The following PRELP variants were observed in gnomAD, a reference collection of about 807,000 sequenced individuals.
The protein encoded by PRELP is proline and arginine rich end leucine rich repeat protein, also known as prolargin.
A neutral mutation model predicts 22.8 loss-of-function variants in PRELP; 16 were observed. The observed-to-expected ratio is 0.70, with a 90% CI of 0.47 to 1.06. The LOEUF (loss-of-function observed/expected upper bound fraction) is 1.06, where lower values mean the gene tolerates loss of function less well. Ranked by LOEUF, PRELP falls within the 50% of genes least tolerant of loss-of-function variation. PRELP has a pLI of 0.00. For missense variants in PRELP, 434 were observed against 485.2 expected (o/e 0.89, Z 0.99); for synonymous variants, 233 against 211.4 (o/e 1.10, Z -0.89).
chr1:203,485,165 T>TAA (rs1318747906), intron 2 of PRELP, among the ~76,000 whole-genome samples: 2 of 139,814 alleles, frequency 1.4e-5, no homozygotes, highest in Admixed American at 7.6e-5. Flanking sequence ...TTTTTAATCT[T>TAA]ACAAAAAAAA....
Position 203,490,699 on chromosome 1 carries a change from T to G in PRELP, c.*3818T>G, listed in dbSNP as rs1661177314. On this transcript the variant is annotated 3_prime_UTR_variant, in exon 3 of 3. Coordinates refer to ENST00000343110, the MANE Select transcript of PRELP (RefSeq NM_002725.4). Reference sequence around the variant, plus strand: ...CTCTCTCTTCTGAGGGAAGGTTGGTTGCAAAAGTGGGATTCATGACCCTCC... The same window carrying G: ...CTCTCTCTTCTGAGGGAAGGTTGGTGGCAAAAGTGGGATTCATGACCCTCC... 6.6e-6 allele frequency: 1 copy of G among 152,208 alleles called. No individual in the cohort carries two copies. Among genetic ancestry groups the G allele is most frequent in the Non-Finnish European group, 1.5e-5 (1 of 68,050 alleles). 9.4% of individuals were successfully genotyped at this position (152,208 alleles called of 1,614,324 possible).
rs1350949969 is a variant in PRELP at position 203,488,447 on chromosome 1, G to A, written c.*1566G>A. On this transcript the variant is annotated 3_prime_UTR_variant, in exon 3 of 3. Coordinates refer to ENST00000343110, the MANE Select transcript of PRELP (RefSeq NM_002725.4). ...AGGCGGGAGAATCGCTTGAGCCGGGGAGGCGGAGGTTGCAGTGAGGCGAGA... is the reference window on the plus strand; with the variant it reads ...AGGCGGGAGAATCGCTTGAGCCGGGAAGGCGGAGGTTGCAGTGAGGCGAGA... 1.3e-5 allele frequency: 2 copies of A among 152,270 alleles called. No homozygotes were observed. Among genetic ancestry groups the A allele is most frequent in the Non-Finnish European group, 2.9e-5 (2 of 68,076 alleles). The allele number at this position is 152,270 out of a possible 1,614,324, so 9.4% of individuals were successfully genotyped here.
At chr1:203,481,643 T>A (rs1661001821) in intron 1 of PRELP, among the ~76,000 whole-genome samples, 1 of 152,206 alleles carries the variant, frequency 6.6e-6, no homozygotes, top group Admixed American at 6.5e-5. Flanking sequence ...AGTCTCTGCC[T>A]TCCTTCCCTT....
intron 2 of PRELP, 90 bp from the exon 3 acceptor site, chr1:203,486,616 C>T: frequency 1.5e-6 from 2 of 1,299,526 alleles, no homozygotes; most frequent in South Asian, 2.7e-5. Context: ...AGTCTACAGT[C>T]CTTGCTCTCG....
rs571965575 is a variant in PRELP, at chr1:203,489,116, G to C, written c.*2235G>C. 1 of 152,736 alleles carries C rather than the reference G, an allele frequency of 6.5e-6. No individual in the cohort carries two copies. The highest frequency in any genetic ancestry group is 2.1e-4 in the South Asian group (1 of 4,828). 9.5% of individuals were successfully genotyped at this position (152,736 alleles called of 1,614,324 possible). A position where few individuals can be genotyped will look rare whatever the true frequency, so the allele number is the denominator to read the frequency against. On this transcript the variant is annotated 3_prime_UTR_variant, in exon 3 of 3. Coordinates refer to ENST00000343110, the MANE Select transcript of PRELP (RefSeq NM_002725.4). ...CAAGGCTCCTGCTTAAAGTCCACAC[G>C]TTATTATGGCCGAAAGCAACCTGGT...
chr1:203,486,747 T>C lies in PRELP; in HGVS notation c.1015T>C (p.Phe339Leu), dbSNP rs756563552. 3 of 1,614,100 alleles carry C rather than the reference T, an allele frequency of 1.9e-6. No individual in the cohort carries two copies. The South Asian group carries it at 3.3e-5, about 18-fold the overall frequency. ...GATTTGCCCCAACGACCTAGTGGCG[T>C]TCCATGACTTCTCCTCGGACCTGGA... ...TQICPNDLVA[F>L]HDFSSDLENV... Residue 339 changes from phenylalanine (F) to leucine (L), a missense_variant, in exon 3 of 3, where the codon TTC becomes CTC. Transcript: ENST00000343110.
rs767750327 is a variant in PRELP at position 203,483,405 on chromosome 1, C to T, written c.221C>T (p.Pro74Leu). 2 of 1,614,136 alleles carry T rather than the reference C, an allele frequency of 1.2e-6. No homozygotes were observed. Among genetic ancestry groups the T allele is most frequent in the East Asian group, 2.2e-5 (1 of 44,856 alleles). ...PGPPSIFPDC[P>L]RECYCPPDFP... ...CCTCCATCTATCTTCCCTGACTGTC[C>T]CCGCGAATGCTACTGCCCCCCTGAT... is the stretch of plus-strand genomic sequence containing the variant. The change falls in exon 2 of 3, where the codon CCC becomes CTC. Residue 74 changes from proline (P) to leucine (L), a missense_variant. By Grantham distance (98) the Pro-to-Leu change is moderately conservative. Coordinates refer to ENST00000343110, the MANE Select transcript of PRELP (RefSeq NM_002725.4). The surrounding 1 kb of genome is among the most constrained non-coding windows in gnomAD (Gnocchi z 4.4).
intron 1 of PRELP, among the ~76,000 whole-genome samples, chr1:203,477,175 G>A (rs1184918938): frequency 1.3e-5 from 2 of 152,150 alleles, no homozygotes; most frequent in African/African-American, 2.4e-5. Context: ...GGCTCTCACT[G>A]CAGATCTACT....
At position 203,489,115 on chromosome 1, in the gene PRELP, C is replaced by A. The variant is rs1037312433; in HGVS notation, c.*2234C>A. ...TCAAGGCTCCTGCTTAAAGTCCACA[C>A]GTTATTATGGCCGAAAGCAACCTGG... On this transcript the variant is annotated 3_prime_UTR_variant, in exon 3 of 3. Transcript: ENST00000343110. 2 of 152,644 alleles carry A rather than the reference C, an allele frequency of 1.3e-5. No individual in the cohort carries two copies. The highest frequency in any genetic ancestry group is 4.8e-5 in the African/African-American group (2 of 41,442). The allele number at this position is 152,644 out of a possible 1,614,324, so 9.5% of individuals were successfully genotyped here.
intron 1 of PRELP, among the ~76,000 whole-genome samples, chr1:203,482,566 C>T (rs1248034874): frequency 6.9e-6 from 1 of 145,128 alleles, no homozygotes; most frequent in Non-Finnish European, 1.5e-5. Context: ...GCTTGTATGC[C>T]ACTGTCCCAC....
intron 1 of PRELP, among the ~76,000 whole-genome samples, chr1:203,482,591 C>CTATTTTTT (rs1661021682): frequency 2.0e-5 from 1 of 51,078 alleles, no homozygotes; most frequent in Non-Finnish European, 3.3e-5. Context: ...CCCAATGTGC[C>CTATTTTTT]TTTTTTTTTT....
chr1:203,483,809 G>A lies in PRELP; in HGVS notation c.625G>A (p.Asp209Asn), dbSNP rs760198476. The A allele has an allele frequency of 7.4e-6, 12 of 1,614,034 alleles. No homozygotes were observed. The highest frequency in any genetic ancestry group is 2.7e-5 in the African/African-American group (2 of 74,920). Residue 209 changes from aspartate to asparagine, a missense_variant, in exon 2 of 3, where the codon GAC (aspartate) becomes AAC (asparagine). By Grantham distance (23) the Asp-to-Asn change is conservative. Transcript: ENST00000343110. This position sits in a 1 kb window ranked among gnomAD's most constrained non-coding sequence, Gnocchi z 4.4. ...LLDLQHNRLS[D>N]GVFKPDTFHG... ...GGATCTCCAGCACAACAGGCTGAGC[G>A]ACGGCGTCTTCAAGCCCGACACCTT...
At position 203,486,850 on chromosome 1, in the gene PRELP, G is replaced by C; in HGVS notation, c.1118G>C (p.Cys373Ser). The C allele has an allele frequency of 6.2e-7, 1 of 1,614,124 alleles. No homozygotes were observed. Among genetic ancestry groups the C allele is most frequent in the East Asian group, 2.2e-5 (1 of 44,880 alleles). ...CCCATCCCGCTGGACCTCATGATGT[G>C]CTTCCGCCTCCTGCAGTCCGTGGTC... Reference protein sequence around the residue: ...KPPIPLDLMMCFRLLQSVVI With the variant: ...KPPIPLDLMMSFRLLQSVVI Residue 373 changes from cysteine to serine, a missense_variant, in exon 3 of 3, where the codon TGC (cysteine) becomes TCC (serine). Physicochemically the swap from Cys to Ser is moderately radical, Grantham distance 112. Transcript: ENST00000343110.
chr1:203,486,015 A>G (rs985104429), intron 2 of PRELP, among the ~76,000 whole-genome samples: 2 of 152,182 alleles, frequency 1.3e-5, no homozygotes, highest in African/African-American at 4.8e-5. Context: ...CATCCAATTC[A>G]AAGGAAAACC....
At position 203,487,824 on chromosome 1, in the gene PRELP, G is replaced by A. The variant is rs1265489672; in HGVS notation, c.*943G>A. The A allele has an allele frequency of 1.3e-5, 2 of 152,306 alleles. No individual in the cohort carries two copies. The highest frequency in any genetic ancestry group is 3.9e-4 in the East Asian group (2 of 5,176). 9.4% of individuals were successfully genotyped at this position (152,306 alleles called of 1,614,324 possible). On this transcript the variant is annotated 3_prime_UTR_variant, in exon 3 of 3. Coordinates refer to ENST00000343110, the MANE Select transcript of PRELP (RefSeq NM_002725.4). ...GCGCGGCCCAGCCATTTCCACCCTC[G>A]GGAGGCGGCTCCTGAGAAACAGGGA...
At chr1:203,486,614 G>A (rs1417192239) in intron 2 of PRELP, 92 bp from the exon 3 acceptor site, 1 of 1,286,726 alleles carries the variant, frequency 7.8e-7, no homozygotes, top group African/African-American at 1.5e-5. Context: ...GAAGTCTACA[G>A]TCCTTGCTCT....
In PRELP at chr1:203,487,321, G is replaced by A. The variant is rs1661110593; in HGVS notation, c.*440G>A. The A allele has an allele frequency of 6.5e-6, 1 of 154,048 alleles. No homozygotes were observed. The highest frequency in any genetic ancestry group is 1.4e-5 in the Non-Finnish European group (1 of 69,040). The allele number at this position is 154,048 out of a possible 1,614,324, so 9.5% of individuals were successfully genotyped here. A position where few individuals can be genotyped will look rare whatever the true frequency, so the allele number is the denominator to read the frequency against. On this transcript the variant is annotated 3_prime_UTR_variant, in exon 3 of 3. Transcript: ENST00000343110. ...CCATCTTCGGCAGCTCTGGCTCAAA[G>A]AGGCCGAGAAACCCAGTTCTCCTGG...
intron 1 of PRELP, among the ~76,000 whole-genome samples, chr1:203,480,271 T>C (rs1660977723): frequency 6.6e-6 from 1 of 152,150 alleles, no homozygotes; most frequent in African/African-American, 2.4e-5. Context: ...CCTTCACTGA[T>C]TGAGCAATGA....
chr1:203,490,590 G>A lies in PRELP; in HGVS notation c.*3709G>A, dbSNP rs16851710. 45,844 of 152,014 alleles carry A rather than the reference G, an allele frequency of 0.3. 6,865 individuals carry two copies. Among genetic ancestry groups the A allele is most frequent in the Middle Eastern group, 0.31 (92 of 294 alleles). 9.4% of individuals were successfully genotyped at this position (152,014 alleles called of 1,614,324 possible). On this transcript the variant is annotated 3_prime_UTR_variant, in exon 3 of 3. Coordinates refer to ENST00000343110, the MANE Select transcript of PRELP (RefSeq NM_002725.4). ...AAAACAGTAAAAGAGCCATCTCAAG[G>A]ACAGAGAGCATAGACCAAGTCATCT...
Sources: gnomAD v4.1 joint callset for allele counts (sites outside exome capture counted in the v4.1 genomes callset) on GRCh38, gnomAD v4.1.1 for gene constraint, Gnocchi (gnomAD v3.1) non-coding constraint, MANE v1.5 for transcripts, NCBI Gene and HGNC (gene_info 2026-07-23, HGNC 2026-07-21) for gene names.